The following CLDN14 variants were observed in gnomAD, a reference collection of about 807,000 sequenced individuals.
The protein encoded by CLDN14 is claudin-14.
In CLDN14, 2 loss-of-function variants were observed where a neutral mutation model predicts 2.1. That is an observed-to-expected ratio of 0.96 (90% CI 0.39 to 3.01). The LOEUF is 3.01. Ranked by LOEUF, CLDN14 falls within the 30% of genes most tolerant of loss-of-function variation. The probability of loss-of-function intolerance (pLI) is 0.09; values close to 1 mark genes in which losing one functional copy is unlikely to be tolerated. For synonymous variants in CLDN14, 136 were observed against 154.4 expected (o/e 0.88, Z 0.88); for missense variants, 298 against 328.0 (o/e 0.91, Z 0.71).
At chr21:36,536,734 C>A (rs181011926) in intron 1 of CLDN14, among the ~76,000 whole-genome samples, 38 of 152,306 alleles carry the variant, frequency 2.5e-4, no homozygotes, top group African/African-American at 7.9e-4. Flanking sequence ...AAAATATTTT[C>A]TCTTTTTTTC....
chr21:36,541,536 T>G (rs754213231), intron 1 of CLDN14, among the ~76,000 whole-genome samples: 1 of 152,168 alleles, frequency 6.6e-6, no homozygotes, highest in Non-Finnish European at 1.5e-5. Flanking sequence ...AAAAGAAGCA[T>G]GCTGGCTTAC....
chr21:36,527,177 C>A (rs1445466846), intron 1 of CLDN14, among the ~76,000 whole-genome samples: 1 of 152,182 alleles, frequency 6.6e-6, no homozygotes, highest in Non-Finnish European at 1.5e-5. Context: ...CATGTTCAGA[C>A]CACCCTGTCA....
intron 2 of CLDN14, among the ~76,000 whole-genome samples, chr21:36,508,241 A>G (rs770502980): frequency 1.2e-4 from 18 of 152,150 alleles, no homozygotes; most frequent in Non-Finnish European, 2.4e-4. Context: ...GTTATGGGTA[A>G]AAGGTGTTTG....
rs1601632098 is a variant in CLDN14, at chr21:36,544,606, C to T, written c.-220+31805G>A. On this transcript the variant is annotated intron_variant, in intron 1 of 2. Transcript: ENST00000342108. This position sits in a 1 kb window ranked among gnomAD's most constrained non-coding sequence, Gnocchi z 4.1. ...CCAGAGCACACTCACTCTCAGACGC[C>T]CAGGGAGCTAAGCAAAATTTCTCTG... 6.6e-6 allele frequency among the ~76,000 whole-genome samples: 1 copy of T among 152,282 alleles called. No homozygotes were observed. The highest frequency in any genetic ancestry group is 1.9e-4 in the East Asian group (1 of 5,182).
chr21:36,569,439 T>C (rs188465235), intron 1 of CLDN14, among the ~76,000 whole-genome samples: 2 of 150,868 alleles, frequency 1.3e-5, no homozygotes, highest in Admixed American at 1.3e-4. Flanking sequence ...ATTAAGTAAA[T>C]AAAGCGAAAG....
intron 1 of CLDN14, chr21:36,466,466 G>A (rs1008354807): frequency 2.0e-5 from 3 of 152,198 alleles, no homozygotes; most frequent in African/African-American, 7.2e-5. Flanking sequence ...AGAAGAATGA[G>A]GGCTGAGCCG....
At chr21:36,546,698 T>G (rs1478226757) in intron 1 of CLDN14, among the ~76,000 whole-genome samples, 1 of 152,224 alleles carries the variant, frequency 6.6e-6, no homozygotes, top group Admixed American at 6.5e-5. Flanking sequence ...TAATGAGTTC[T>G]TATGTATCCA....
At chr21:36,572,675 G>A (rs1247914319) in intron 1 of CLDN14, among the ~76,000 whole-genome samples, 1 of 152,154 alleles carries the variant, frequency 6.6e-6, no homozygotes, top group Non-Finnish European at 1.5e-5. Flanking sequence ...GGATGCTTTG[G>A]AAGACCCTGG....
rs1183157547 is a variant in CLDN14, at chr21:36,479,717, A to G, written c.-304T>C. ...GTTCCTTAGAATGGCCTGCGTGGGC[A>G]CACGTGCCACTTGGTTAGCTAGCAT... On this transcript the variant is annotated 5_prime_UTR_variant, in exon 1 of 2. Transcript: ENST00000399135. 6.6e-6 allele frequency: 1 copy of G among 152,270 alleles called. No homozygotes were observed. Among genetic ancestry groups the G allele is most frequent in the African/African-American group, 2.4e-5 (1 of 41,458 alleles). The allele number at this position is 152,270 out of a possible 1,614,324, so 9.4% of individuals were successfully genotyped here. A position where few individuals can be genotyped will look rare whatever the true frequency, so the allele number is the denominator to read the frequency against.
intron 1 of CLDN14, among the ~76,000 whole-genome samples, chr21:36,556,268 G>T (rs1601635796): frequency 6.6e-6 from 1 of 152,304 alleles, no homozygotes; most frequent in East Asian, 1.9e-4. Context: ...TTAGAGGTGG[G>T]AATGTCTTCT....
intron 1 of CLDN14, among the ~76,000 whole-genome samples, chr21:36,522,496 C>T (rs1167669231): frequency 6.6e-6 from 1 of 152,196 alleles, no homozygotes; most frequent in Non-Finnish European, 1.5e-5. Flanking sequence ...AATTCCCTCC[C>T]CTCCATCCCC....
At chr21:36,575,599 T>C (rs1196903484) in intron 1 of CLDN14, among the ~76,000 whole-genome samples, 2 of 152,230 alleles carry the variant, frequency 1.3e-5, no homozygotes, top group African/African-American at 2.4e-5. Context: ...TGCTGTGCAC[T>C]GTGTCTGATA....
intron 1 of CLDN14, among the ~76,000 whole-genome samples, chr21:36,552,215 G>A (rs1170186218): frequency 6.6e-6 from 1 of 152,196 alleles, no homozygotes; most frequent in African/African-American, 2.4e-5. Flanking sequence ...AAAAGATATG[G>A]AGACCAGTAG....
chr21:36,491,142 G>A (rs190308304), intron 2 of CLDN14, among the ~76,000 whole-genome samples: 2 of 152,232 alleles, frequency 1.3e-5, no homozygotes, highest in African/African-American at 4.8e-5. Context: ...ATGAGTCAAC[G>A]GTTCAACCCT....
At chr21:36,536,728 T>C (rs1872025808) in intron 1 of CLDN14, among the ~76,000 whole-genome samples, 2 of 152,136 alleles carry the variant, frequency 1.3e-5, no homozygotes, top group Admixed American at 1.3e-4. Context: ...GTTAAGAAAA[T>C]ATTTTCTCTT....
chr21:36,528,306 G>A (rs181337978), intron 1 of CLDN14, among the ~76,000 whole-genome samples: 20 of 152,266 alleles, frequency 1.3e-4, no homozygotes, highest in East Asian at 9.6e-4. Flanking sequence ...TATTGTCACC[G>A]CAGTTCTGAG....
chr21:36,570,933 C>A (rs533498322), intron 1 of CLDN14, among the ~76,000 whole-genome samples: 2 of 152,184 alleles, frequency 1.3e-5, no homozygotes, highest in Non-Finnish European at 2.9e-5. Flanking sequence ...CCTCTGCCTC[C>A]CCGGTTCCAG....
chr21:36,540,253 A>T (rs11909578), intron 1 of CLDN14, among the ~76,000 whole-genome samples: 72,508 of 151,614 alleles, frequency 0.48, 19,362 homozygotes, highest in Middle Eastern at 0.62. Context: ...GCATGTGGCC[A>T]ATGTACGTCC....
chr21:36,484,274 T>G (rs2086873937), upstream of CLDN14, among the ~76,000 whole-genome samples: 1 of 152,204 alleles, frequency 6.6e-6, no homozygotes, highest in African/African-American at 2.4e-5. Context: ...CCCATGTTCT[T>G]GGGTTTAAGA....
Sources: gnomAD v4.1 joint callset for allele counts (sites outside exome capture counted in the v4.1 genomes callset) on GRCh38, gnomAD v4.1.1 for gene constraint, Gnocchi (gnomAD v3.1) non-coding constraint, MANE v1.5 for transcripts, NCBI Gene and HGNC (gene_info 2026-07-23, HGNC 2026-07-21) for gene names.